GALNTL6: variants seen among roughly 807,000 people sequenced by gnomAD.
The protein encoded by GALNTL6 is polypeptide N-acetylgalactosaminyltransferase-like 6.
A neutral mutation model predicts 73.7 loss-of-function variants in GALNTL6; 46 were observed. The observed-to-expected ratio is 0.62, with a 90% CI of 0.49 to 0.80. GALNTL6 has a LOEUF of 0.80. Among genes scored for constraint, GALNTL6 ranks in the 30% least tolerant of loss-of-function variants. The probability of loss-of-function intolerance (pLI) is 0.00; values close to 1 mark genes in which losing one functional copy is unlikely to be tolerated. For synonymous variants in GALNTL6, 259 were observed against 263.7 expected (o/e 0.98, Z 0.17); for missense variants, 604 against 755.0 (o/e 0.80, Z 2.34).
intron 3 of GALNTL6, among the ~76,000 whole-genome samples, chr4:172,291,628 A>G (rs1739474854): frequency 6.6e-6 from 1 of 152,076 alleles, no homozygotes; most frequent in Non-Finnish European, 1.5e-5. Context: ...AGATTGATGT[A>G]GTGTTTTTCC....
chr4:172,274,033 A>G (rs1257885080), intron 3 of GALNTL6, among the ~76,000 whole-genome samples: 1 of 152,190 alleles, frequency 6.6e-6, no homozygotes, highest in Non-Finnish European at 1.5e-5. Flanking sequence ...ACCTGAACGT[A>G]TATGAACCTA....
At chr4:172,249,723 GC>G (rs1229487144) in intron 3 of GALNTL6, among the ~76,000 whole-genome samples, 1 of 152,208 alleles carries the variant, frequency 6.6e-6, no homozygotes, top group Non-Finnish European at 1.5e-5. Flanking sequence ...GAGGGTGCAA[GC>G]CCCAAGCCTT....
intron 3 of GALNTL6, among the ~76,000 whole-genome samples, chr4:172,245,767 G>A (rs576558289): frequency 6.6e-6 from 1 of 152,252 alleles, no homozygotes; most frequent in East Asian, 1.9e-4. Flanking sequence ...AATGAGTGCT[G>A]TAGAGGAAAT....
chr4:172,512,560 GT>G (rs779761821), intron 5 of GALNTL6, among the ~76,000 whole-genome samples: 1 of 152,020 alleles, frequency 6.6e-6, no homozygotes, highest in Non-Finnish European at 1.5e-5. Context: ...CTCTAAGAAG[GT>G]TCTATTTTGG....
intron 8 of GALNTL6, among the ~76,000 whole-genome samples, chr4:172,915,325 A>G (rs1251520186): frequency 6.6e-6 from 1 of 152,250 alleles, no homozygotes; most frequent in Non-Finnish European, 1.5e-5. Flanking sequence ...CCCTAACATC[A>G]CAATCAAAAG....
chr4:172,245,053 C>T lies in GALNTL6; in HGVS notation c.247+15289C>T, dbSNP rs146149449. Reference sequence around the variant, plus strand: ...ACACGGTATCTGGCAAGAATCAAGACGAAAAAGATCAGAAGCATCTAGTAG... The same window carrying T: ...ACACGGTATCTGGCAAGAATCAAGATGAAAAAGATCAGAAGCATCTAGTAG... On this transcript the variant is annotated intron_variant, in intron 3 of 12. Coordinates refer to ENST00000506823, the MANE Select transcript of GALNTL6 (RefSeq NM_001034845.3). Among the ~76,000 whole-genome samples the T allele has an allele frequency of 5.6e-3, 858 of 151,862 alleles. 12 individuals carry two copies. The highest frequency in any genetic ancestry group is 0.019 in the African/African-American group (800 of 41,430).
chr4:171,874,013 G>A (rs894465334), intron 2 of GALNTL6, among the ~76,000 whole-genome samples: 5 of 152,092 alleles, frequency 3.3e-5, no homozygotes, highest in East Asian at 1.9e-4. Flanking sequence ...GTTGAATGCC[G>A]GCAGAATTCT....
chr4:172,691,539 A>G (rs1192020091), intron 5 of GALNTL6, among the ~76,000 whole-genome samples: 1 of 152,216 alleles, frequency 6.6e-6, no homozygotes, highest in East Asian at 1.9e-4. Context: ...TGGCTCTTCT[A>G]GTGAAAACAC....
At chr4:172,148,850 T>C (rs190788237) in intron 2 of GALNTL6, among the ~76,000 whole-genome samples, 5 of 152,364 alleles carry the variant, frequency 3.3e-5, no homozygotes, top group Admixed American at 3.3e-4. Context: ...AATTTAGAAT[T>C]ACTTTACATA....
intron 5 of GALNTL6, among the ~76,000 whole-genome samples, chr4:172,745,006 C>G (rs1248516692): frequency 6.6e-6 from 1 of 151,656 alleles, no homozygotes; most frequent in Admixed American, 6.6e-5. Flanking sequence ...TGTTTATATA[C>G]CAAAGATTAA....
At position 171,814,477 on chromosome 4, in the gene GALNTL6, A is replaced by G. The variant is rs568797368; in HGVS notation, c.-104A>G. 381 of 1,257,874 alleles carry G rather than the reference A, an allele frequency of 3.0e-4. No homozygotes were observed. Among genetic ancestry groups the G allele is most frequent in the Non-Finnish European group, 3.9e-4 (350 of 890,602 alleles). The allele number at this position is 1,257,874 out of a possible 1,614,324, so 77.9% of individuals were successfully genotyped here. On this transcript the variant is annotated 5_prime_UTR_variant, in exon 2 of 13. Coordinates refer to ENST00000506823, the MANE Select transcript of GALNTL6 (RefSeq NM_001034845.3). ...ACGCAACAAAAGTTTGTAGCTTCTC[A>G]GTTTCTGGTGCTTCGCAGGGGAGAG...
rs148692369 is a variant in GALNTL6, at chr4:172,780,428, C to T, written c.554-28933C>T. On this transcript the variant is annotated intron_variant, in intron 5 of 12. Transcript: ENST00000506823. Reference sequence around the variant, plus strand: ...TTTCTCTCCCATGTCATAACCTATACGAAGACTAAATACACTACTGTAGCT... The same window carrying T: ...TTTCTCTCCCATGTCATAACCTATATGAAGACTAAATACACTACTGTAGCT... Among the ~76,000 whole-genome samples the T allele has an allele frequency of 6.8e-4, 104 of 152,216 alleles. No individual in the cohort carries two copies. The East Asian group carries it at 7.9e-3, about 12-fold the overall frequency.
At chr4:172,104,124 T>C (rs1326357860) in intron 2 of GALNTL6, among the ~76,000 whole-genome samples, 2 of 152,020 alleles carry the variant, frequency 1.3e-5, no homozygotes, top group Non-Finnish European at 2.9e-5. Flanking sequence ...TTTTGTGTTT[T>C]TAGTAAAGAC....
intron 3 of GALNTL6, among the ~76,000 whole-genome samples, chr4:172,272,452 C>T (rs28489402): frequency 6.6e-6 from 1 of 151,952 alleles, no homozygotes; most frequent in Admixed American, 6.6e-5. Context: ...TCCTAGGTTA[C>T]AAACCTATAC....
intron 8 of GALNTL6, among the ~76,000 whole-genome samples, chr4:172,887,275 A>G (rs996192806): frequency 1.3e-5 from 2 of 152,224 alleles, no homozygotes; most frequent in African/African-American, 2.4e-5. Flanking sequence ...TGTTATCATG[A>G]ATAGTGCTGC....
intron 7 of GALNTL6, among the ~76,000 whole-genome samples, chr4:172,871,607 T>A (rs796824900): frequency 1.3e-3 from 99 of 76,840 alleles, no homozygotes; most frequent in Middle Eastern, 7.8e-3. Context: ...TGTGTGTGTG[T>A]GAGAGTGTGT....
intron 5 of GALNTL6, among the ~76,000 whole-genome samples, chr4:172,796,760 T>G (rs565546382): frequency 1.3e-5 from 2 of 152,262 alleles, no homozygotes; most frequent in East Asian, 3.9e-4. Context: ...TCCTTCTATA[T>G]TGCAGTACAA....
chr4:171,945,608 C>G (rs1738679435), intron 2 of GALNTL6, among the ~76,000 whole-genome samples: 2 of 152,042 alleles, frequency 1.3e-5, no homozygotes, highest in African/African-American at 4.8e-5. Context: ...ATAAACTTTC[C>G]TTTTCTCTTG....
chr4:171,991,846 GAAAT>G (rs1302996580), intron 2 of GALNTL6, among the ~76,000 whole-genome samples: 6 of 149,960 alleles, frequency 4.0e-5, no homozygotes, highest in Non-Finnish European at 7.4e-5. Context: ...AATATTTGAG[GAAAT>G]AAATAAAATC....
Sources: allele counts gnomAD v4.1 joint callset (sites outside exome capture counted in the v4.1 genomes callset), GRCh38; gene constraint gnomAD v4.1.1; transcripts MANE v1.5; gene names NCBI Gene and HGNC (gene_info 2026-07-23, HGNC 2026-07-21).